The following SLC44A5 variants were observed in gnomAD, a reference collection of about 807,000 sequenced individuals.
The protein encoded by SLC44A5 is solute carrier family 44 member 5.
SLC44A5 carries 57 observed loss-of-function variants against 101.8 expected under a neutral mutation model. The ratio of observed to expected loss-of-function variants is 0.56; its 90% CI spans 0.45 to 0.70. The LOEUF is 0.70. Among genes scored for constraint, SLC44A5 ranks in the 30% least tolerant of loss-of-function variants. SLC44A5 has a pLI of 0.00. For missense variants in SLC44A5, 737 were observed against 853.1 expected (o/e 0.86, Z 1.70); for synonymous variants, 281 against 290.9 (o/e 0.97, Z 0.35).
At chr1:75,476,025 A>G (rs1409507848) in intron 2 of SLC44A5, among the ~76,000 whole-genome samples, 1 of 152,172 alleles carries the variant, frequency 6.6e-6, no homozygotes, top group Non-Finnish European at 1.5e-5. Flanking sequence ...TCTACTAAAA[A>G]TACAAAAATT....
chr1:75,590,113 C>A (rs932198606), intron 1 of SLC44A5, among the ~76,000 whole-genome samples: 7 of 151,940 alleles, frequency 4.6e-5, no homozygotes, highest in African/African-American at 1.7e-4. Context: ...GTGCTGGCAT[C>A]ACCCTTCCCC....
At chr1:75,436,187 G>A (rs548222860) in intron 2 of SLC44A5, among the ~76,000 whole-genome samples, 4 of 152,108 alleles carry the variant, frequency 2.6e-5, no homozygotes, top group African/African-American at 9.6e-5. Flanking sequence ...TCTAAATTAT[G>A]TGTGTGTGTA....
At chr1:75,409,740 G>A (rs1176281933) in intron 2 of SLC44A5, among the ~76,000 whole-genome samples, 1 of 151,950 alleles carries the variant, frequency 6.6e-6, no homozygotes, top group East Asian at 1.9e-4. Context: ...TATACCCAAT[G>A]GTATCACTTC....
chr1:75,646,065 T>TGA, the SLC44A5 span, among the ~76,000 whole-genome samples: 3 of 135,160 alleles, frequency 2.2e-5, 1 homozygote, highest in Non-Finnish European at 4.9e-5. Flanking sequence ...TCAGGTAGCA[T>TGA]GATGCCTCCA....
intron 3 of SLC44A5, among the ~76,000 whole-genome samples, chr1:75,383,417 C>G (rs1016370843): frequency 2.6e-5 from 4 of 151,554 alleles, no homozygotes; most frequent in African/African-American, 4.9e-5. Flanking sequence ...TCCCACCTTA[C>G]GAGAAACACC....
intron 2 of SLC44A5, among the ~76,000 whole-genome samples, chr1:75,525,620 AAAAG>A (rs1218293045): frequency 2.0e-5 from 3 of 152,212 alleles, no homozygotes; most frequent in African/African-American, 7.2e-5. Context: ...TTGTTTGAAA[AAAAG>A]AGAGAGAATG....
At chr1:75,608,107 T>C (rs781693768) in intron 1 of SLC44A5, among the ~76,000 whole-genome samples, 4 of 152,012 alleles carry the variant, frequency 2.6e-5, no homozygotes, top group South Asian at 4.1e-4. Context: ...ATTTTTCTTT[T>C]TGTGCCTGGT....
the SLC44A5 span, among the ~76,000 whole-genome samples, chr1:75,658,327 C>A: frequency 1.3e-5 from 2 of 152,106 alleles, no homozygotes; most frequent in African/African-American, 4.8e-5. Context: ...CCTCCCACCT[C>A]AGCCTACCAA....
intron 2 of SLC44A5, among the ~76,000 whole-genome samples, chr1:75,517,373 G>C (rs961643022): frequency 4.0e-5 from 6 of 151,862 alleles, no homozygotes; most frequent in African/African-American, 1.5e-4. Flanking sequence ...ATTGAAAAGG[G>C]GGACAGCTAT....
intron 2 of SLC44A5, among the ~76,000 whole-genome samples, chr1:75,438,742 C>T (rs1665026673): frequency 6.6e-6 from 1 of 152,000 alleles, no homozygotes. Context: ...AAAAGCATCC[C>T]AATTTAGGCC....
chr1:75,259,628 T>G (rs888229364), intron 6 of SLC44A5, among the ~76,000 whole-genome samples: 24 of 152,144 alleles, frequency 1.6e-4, no homozygotes, highest in Non-Finnish European at 3.5e-4. Context: ...CCAGGAGAAC[T>G]TCCCCAGTCT....
chr1:75,678,229 G>GCC, the SLC44A5 span, among the ~76,000 whole-genome samples: 4 of 152,196 alleles, frequency 2.6e-5, no homozygotes, highest in Non-Finnish European at 4.4e-5. Flanking sequence ...AAACAAAGCA[G>GCC]CAGGGAAGCT....
intron 1 of SLC44A5, among the ~76,000 whole-genome samples, chr1:75,553,241 G>C (rs957733870): frequency 6.6e-6 from 1 of 152,032 alleles, no homozygotes; most frequent in African/African-American, 2.4e-5. Context: ...TACCTATTGG[G>C]AGCCAGCCAC....
chr1:75,605,321 G>C (rs1675258710), intron 1 of SLC44A5, among the ~76,000 whole-genome samples: 1 of 151,826 alleles, frequency 6.6e-6, no homozygotes, highest in African/African-American at 2.4e-5. Flanking sequence ...TTTCTTAAAA[G>C]ATAAGGCACA....
the SLC44A5 span, among the ~76,000 whole-genome samples, chr1:75,651,865 G>GCGAC: frequency 6.6e-6 from 1 of 151,986 alleles, no homozygotes; most frequent in Non-Finnish European, 1.5e-5. Flanking sequence ...GGAACGTCAG[G>GCGAC]CGACCATCAG....
intron 9 of SLC44A5, among the ~76,000 whole-genome samples, chr1:75,239,100 A>G (rs948966275): frequency 6.6e-6 from 1 of 152,110 alleles, no homozygotes; most frequent in African/African-American, 2.4e-5. Context: ...GAACCAGCTC[A>G]AATTTTAGGC....
intron 2 of SLC44A5, among the ~76,000 whole-genome samples, chr1:75,484,205 C>A (rs1311246952): frequency 6.6e-6 from 1 of 152,148 alleles, no homozygotes; most frequent in Non-Finnish European, 1.5e-5. Context: ...ACTCAAAAGT[C>A]CAAGTTCTGA....
chr1:75,225,585 A>G (rs934149856), intron 13 of SLC44A5, among the ~76,000 whole-genome samples: 12 of 152,334 alleles, frequency 7.9e-5, no homozygotes, highest in Admixed American at 3.3e-4. Context: ...AGATGTGAAT[A>G]GAACCATCTC....
At chr1:75,607,182 T>C (rs138927941) in intron 1 of SLC44A5, among the ~76,000 whole-genome samples, 1 of 152,190 alleles carries the variant, frequency 6.6e-6, no homozygotes, top group Non-Finnish European at 1.5e-5. Flanking sequence ...ACTTGCCCCT[T>C]CTACAATCTT....
Sources: gnomAD v4.1 joint callset for allele counts (sites outside exome capture counted in the v4.1 genomes callset) on GRCh38, gnomAD v4.1.1 for gene constraint, MANE v1.5 for transcripts, NCBI Gene and HGNC (gene_info 2026-07-23, HGNC 2026-07-21) for gene names.